The following PAQR5 variants were observed in gnomAD, a reference collection of about 807,000 sequenced individuals.
PAQR5 encodes the protein membrane progestin receptor gamma.
Under a neutral mutation model 34.5 loss-of-function variants are expected in PAQR5, and 20 were observed. The ratio of observed to expected loss-of-function variants is 0.58; its 90% CI spans 0.41 to 0.84. PAQR5 has a LOEUF of 0.84. Ranked by LOEUF, PAQR5 falls within the 40% of genes least tolerant of loss-of-function variation. The probability of loss-of-function intolerance (pLI) is 0.00; values close to 1 mark genes in which losing one functional copy is unlikely to be tolerated. For synonymous variants in PAQR5, 131 were observed against 155.6 expected (o/e 0.84, Z 1.18); for missense variants, 378 against 412.7 (o/e 0.92, Z 0.73).
intron 2 of PAQR5, among the ~76,000 whole-genome samples, chr15:69,338,111 C>T (rs137931252): frequency 1.5e-4 from 23 of 152,196 alleles, no homozygotes; most frequent in African/African-American, 4.8e-4. Flanking sequence ...CCAGAAACAA[C>T]AACAACAACA....
chr15:69,337,066 A>AG (rs1368914124), intron 1 of PAQR5, among the ~76,000 whole-genome samples: 1 of 152,222 alleles, frequency 6.6e-6, no homozygotes, highest in Non-Finnish European at 1.5e-5. Flanking sequence ...ATTGGAATAG[A>AG]GGAAAAAAGG....
chr15:69,370,576 A>G (rs1421127497), intron 3 of PAQR5, among the ~76,000 whole-genome samples: 1 of 152,118 alleles, frequency 6.6e-6, no homozygotes, highest in African/African-American at 2.4e-5. Flanking sequence ...CTGGAGTGGA[A>G]TGGCGCGATC....
chr15:69,302,382 G>A (rs996148045), intron 1 of PAQR5, among the ~76,000 whole-genome samples: 1 of 151,948 alleles, frequency 6.6e-6, no homozygotes, highest in African/African-American at 2.4e-5. Context: ...CAGAAATGGG[G>A]ACTTTCAAAT....
chr15:69,337,528 A>G (rs1188699221), intron 2 of PAQR5, 27 bp downstream of exon 2: 1 of 152,222 alleles, frequency 6.6e-6, no homozygotes, highest in African/African-American at 2.4e-5. Context: ...ACTTTCTAAC[A>G]GGCCCAGGAA....
chr15:69,318,766 T>G (rs1309898750), intron 1 of PAQR5, among the ~76,000 whole-genome samples: 1 of 151,796 alleles, frequency 6.6e-6, no homozygotes, highest in Non-Finnish European at 1.5e-5. Flanking sequence ...TGGTAAAGAG[T>G]AAGTTATAAA....
At chr15:69,345,530 G>C (rs1048631400) in intron 2 of PAQR5, among the ~76,000 whole-genome samples, 3 of 152,146 alleles carry the variant, frequency 2.0e-5, no homozygotes, top group Non-Finnish European at 4.4e-5. Context: ...TCACCTCTTA[G>C]TAATTTTGCT....
In PAQR5 at chr15:69,406,466, CTCAA is replaced by C. The variant is rs2056751337; in HGVS notation, c.*2646_*2649del. 1 of 152,308 alleles carries C rather than the reference CTCAA, an allele frequency of 6.6e-6. No homozygotes were observed. Among genetic ancestry groups the C allele is most frequent in the Admixed American group, 6.5e-5 (1 of 15,292 alleles). 9.4% of individuals were successfully genotyped at this position (152,308 alleles called of 1,614,324 possible). ...GGCTGGTCTGAAGGTAGTGAGTTAG[CTCAA>C]TTGATTGTTCGCAGTCAGTTATAGA... On this transcript the variant is annotated 3_prime_UTR_variant, in exon 9 of 9. Coordinates refer to ENST00000395407, the MANE Select transcript of PAQR5 (RefSeq NM_017705.4).
Position 69,360,065 on chromosome 15 carries a change from C to T in PAQR5, c.-16C>T. 1 of 1,612,436 alleles carries T rather than the reference C, an allele frequency of 6.2e-7. No individual in the cohort carries two copies. Among genetic ancestry groups the T allele is most frequent in the Non-Finnish European group, 8.5e-7 (1 of 1,178,614 alleles). On this transcript the variant is annotated 5_prime_UTR_variant, in exon 3 of 9. Transcript: ENST00000395407. ...GAGGCGCTGTCACCTACTGGCCTTG[C>T]CAATCCAGCTCCAAGATGCTGAGCC...
intron 1 of PAQR5, among the ~76,000 whole-genome samples, chr15:69,307,712 G>A (rs559212970): frequency 1.5e-4 from 23 of 152,342 alleles, no homozygotes; most frequent in African/African-American, 5.3e-4. Context: ...GGACATAGTT[G>A]GGAGGGATGT....
chr15:69,340,832 A>T (rs1459680142), intron 2 of PAQR5, among the ~76,000 whole-genome samples: 2 of 152,220 alleles, frequency 1.3e-5, no homozygotes, highest in Non-Finnish European at 1.5e-5. Context: ...GGATTGAACT[A>T]GTCTGCGCTT....
intron 2 of PAQR5, among the ~76,000 whole-genome samples, chr15:69,342,739 G>A (rs906066022): frequency 6.6e-6 from 1 of 152,204 alleles, no homozygotes; most frequent in Non-Finnish European, 1.5e-5. Context: ...ACATGAAGGA[G>A]ATTAGACAGG....
chr15:69,328,504 T>C (rs981523437), intron 1 of PAQR5, among the ~76,000 whole-genome samples: 3 of 152,118 alleles, frequency 2.0e-5, no homozygotes, highest in African/African-American at 7.2e-5. Flanking sequence ...GTGTCCCTCC[T>C]GGAGGAGGCT....
chr15:69,327,230 C>G (rs1265846999), intron 1 of PAQR5, among the ~76,000 whole-genome samples: 3 of 152,098 alleles, frequency 2.0e-5, no homozygotes, highest in Non-Finnish European at 4.4e-5. Context: ...CTCCTGGACT[C>G]AAGTGATCTT....
At chr15:69,340,104 G>A (rs1261563999) in intron 2 of PAQR5, among the ~76,000 whole-genome samples, 2 of 151,976 alleles carry the variant, frequency 1.3e-5, no homozygotes, top group South Asian at 2.1e-4. Context: ...GACCTCAGGT[G>A]ATCTGCCCGC....
At chr15:69,354,340 A>G (rs2055001326) in intron 2 of PAQR5, among the ~76,000 whole-genome samples, 1 of 152,228 alleles carries the variant, frequency 6.6e-6, no homozygotes, top group South Asian at 2.1e-4. Flanking sequence ...GCATGTATAT[A>G]TACATATATT....
chr15:69,403,596 T>C lies in PAQR5; in HGVS notation c.767T>C (p.Leu256Pro), dbSNP rs1460022761. Residue 256 changes from leucine (L) to proline (P), a missense_variant, in exon 9 of 9, where the codon CTG becomes CCG. Physicochemically the swap from Leu to Pro is moderately conservative, Grantham distance 98 (BLOSUM62 -3). Transcript: ENST00000395407. ...TTTGCCATAGGTCACAGTCACCAGC[T>C]GTTTCACGTGTGTGTGATCCTGGCC... The part of the protein sequence containing the change: ...RFDYIGHSHQ[L>P]FHVCVILATH... The C allele has an allele frequency of 6.2e-7, 1 of 1,614,198 alleles. No homozygotes were observed. Among genetic ancestry groups the C allele is most frequent in the Admixed American group, 1.7e-5 (1 of 60,024 alleles).
intron 7 of PAQR5, 23 bp downstream of exon 7, chr15:69,397,587 C>G (rs1595945522): frequency 1.4e-6 from 2 of 1,463,156 alleles, no homozygotes; most frequent in Admixed American, 1.7e-5. Context: ...TGCATCTCCT[C>G]TCTGCCTGTT....
intron 1 of PAQR5, among the ~76,000 whole-genome samples, chr15:69,334,158 G>T (rs1450826036): frequency 6.6e-6 from 1 of 152,036 alleles, no homozygotes; most frequent in African/African-American, 2.4e-5. Context: ...CTCCCAAGTT[G>T]CTGGGGCTAC....
chr15:69,302,316 GT>G (rs2053623840), intron 1 of PAQR5, among the ~76,000 whole-genome samples: 1 of 152,006 alleles, frequency 6.6e-6, no homozygotes, highest in East Asian at 1.9e-4. Flanking sequence ...CAAGCGATCT[GT>G]CTGCCTCTAC....
Sources: gnomAD v4.1 joint callset for allele counts (sites outside exome capture counted in the v4.1 genomes callset) on GRCh38, gnomAD v4.1.1 for gene constraint, MANE v1.5 for transcripts, NCBI Gene and HGNC (gene_info 2026-07-23, HGNC 2026-07-21) for gene names.